SPATA16: variants seen among roughly 807,000 people sequenced by gnomAD.
SPATA16 encodes spermatogenesis associated 16, also known as spermatogenesis-associated protein 16.
Under a neutral mutation model 63.3 loss-of-function variants are expected in SPATA16, and 36 were observed. That is an observed-to-expected ratio of 0.57 (90% CI 0.44 to 0.75). The LOEUF (loss-of-function observed/expected upper bound fraction) is 0.75, where lower values mean the gene tolerates loss of function less well. Ranked by LOEUF, SPATA16 falls within the 30% of genes least tolerant of loss-of-function variation. The pLI, the probability that SPATA16 is intolerant of heterozygous loss-of-function variation, is 0.00. For missense variants in SPATA16, 646 were observed against 679.3 expected (o/e 0.95, Z 0.54); for synonymous variants, 203 against 216.7 (o/e 0.94, Z 0.56).
chr3:173,080,014 C>G (rs1300217095), intron 2 of SPATA16, among the ~76,000 whole-genome samples: 5 of 147,352 alleles, frequency 3.4e-5, no homozygotes, highest in African/African-American at 1.1e-4. Context: ...CATAAATATG[C>G]CCCCTACCAC....
At chr3:172,890,286 G>C (rs533509654) in intron 10 of SPATA16, among the ~76,000 whole-genome samples, 1 of 152,146 alleles carries the variant, frequency 6.6e-6, no homozygotes, top group African/African-American at 2.4e-5. Context: ...TCTTGAAAAA[G>C]AATTAGTCTT....
chr3:173,091,793 G>A (rs929825958), intron 2 of SPATA16, among the ~76,000 whole-genome samples: 4 of 152,070 alleles, frequency 2.6e-5, no homozygotes, highest in African/African-American at 7.2e-5. Context: ...TAGCCCCTAC[G>A]TTTGAGAAAC....
At chr3:172,893,782 A>G (rs1731943102) in intron 10 of SPATA16, among the ~76,000 whole-genome samples, 1 of 152,204 alleles carries the variant, frequency 6.6e-6, no homozygotes, top group African/African-American at 2.4e-5. Context: ...GTTGATCTCA[A>G]ACATGAATGA....
chr3:173,132,301 A>G (rs1384793169), intron 1 of SPATA16, among the ~76,000 whole-genome samples: 1 of 152,178 alleles, frequency 6.6e-6, no homozygotes, highest in Non-Finnish European at 1.5e-5. Flanking sequence ...GAAAAATATT[A>G]TTTAAAAAAC....
intron 3 of SPATA16, among the ~76,000 whole-genome samples, chr3:173,031,785 A>G (rs1341787978): frequency 6.6e-6 from 1 of 152,084 alleles, no homozygotes; most frequent in Non-Finnish European, 1.5e-5. Flanking sequence ...AACTAAAATA[A>G]AGTATAATAG....
At chr3:172,994,035 G>A (rs551799002) in intron 4 of SPATA16, among the ~76,000 whole-genome samples, 1 of 152,016 alleles carries the variant, frequency 6.6e-6, no homozygotes, top group Non-Finnish European at 1.5e-5. Context: ...ACAGAGTCTG[G>A]GTCACATCAT....
At chr3:172,916,609 A>T in intron 8 of SPATA16, 128 bp from the exon 9 acceptor site, 1 of 1,025,582 alleles carries the variant, frequency 9.8e-7, no homozygotes, top group South Asian at 1.3e-5. Context: ...GTACAAATAC[A>T]TGTTTCCTTC....
At chr3:173,004,929 G>C (rs1734907382) in intron 4 of SPATA16, among the ~76,000 whole-genome samples, 1 of 152,146 alleles carries the variant, frequency 6.6e-6, no homozygotes, top group African/African-American at 2.4e-5. Flanking sequence ...CAACACTTAG[G>C]TATTAGAAAA....
chr3:172,911,336 G>A (rs890486489), intron 10 of SPATA16, among the ~76,000 whole-genome samples: 2 of 152,170 alleles, frequency 1.3e-5, no homozygotes, highest in Non-Finnish European at 2.9e-5. Context: ...ACCAGTACCA[G>A]CTGAGCAGCA....
At chr3:172,998,101 G>C (rs1357731014) in intron 4 of SPATA16, among the ~76,000 whole-genome samples, 1 of 152,108 alleles carries the variant, frequency 6.6e-6, no homozygotes, top group Non-Finnish European at 1.5e-5. Flanking sequence ...GATTGGGACT[G>C]TGTTGAATCT....
intron 4 of SPATA16, among the ~76,000 whole-genome samples, chr3:172,993,932 G>A (rs1308491764): frequency 6.6e-6 from 1 of 152,094 alleles, no homozygotes; most frequent in South Asian, 2.1e-4. Context: ...ACTTGTTGCA[G>A]TTCTTGTGAT....
chr3:173,067,458 G>A (rs915918734), intron 2 of SPATA16, among the ~76,000 whole-genome samples: 2 of 152,186 alleles, frequency 1.3e-5, no homozygotes, highest in African/African-American at 4.8e-5. Flanking sequence ...GAGAATGGGA[G>A]GAGGGTAAGG....
intron 4 of SPATA16, among the ~76,000 whole-genome samples, chr3:173,017,892 A>C (rs192356493): frequency 6.6e-6 from 1 of 152,352 alleles, no homozygotes; most frequent in African/African-American, 2.4e-5. Context: ...AATGTGAAAC[A>C]GAAGGACACT....
intron 2 of SPATA16, among the ~76,000 whole-genome samples, chr3:173,083,682 C>T (rs1457879954): frequency 6.6e-6 from 1 of 152,078 alleles, no homozygotes; most frequent in African/African-American, 2.4e-5. Flanking sequence ...TTGTTCCCTT[C>T]CCTGTGTTTA....
Position 172,924,196 on chromosome 3 carries a change from T to G in SPATA16, c.1338+12A>C, listed in dbSNP as rs571261169. ...TGTACATTGGACAAATATAAAAGACTCATATACCTACATTCAATTGGGTGC... is the reference window on the plus strand; with the variant it reads ...TGTACATTGGACAAATATAAAAGACGCATATACCTACATTCAATTGGGTGC... On this transcript the variant is annotated intron_variant, in intron 8 of 10. Coordinates refer to ENST00000351008, the MANE Select transcript of SPATA16 (RefSeq NM_031955.6). 2.4e-5 allele frequency: 38 copies of G among 1,578,534 alleles called. No individual in the cohort carries two copies. In the East Asian group the frequency reaches 3.8e-4, roughly 16 times the overall value.
At chr3:172,975,465 A>G (rs1024520598) in intron 5 of SPATA16, among the ~76,000 whole-genome samples, 4 of 151,880 alleles carry the variant, frequency 2.6e-5, no homozygotes, top group Admixed American at 1.3e-4. Flanking sequence ...CTCCTTTCCC[A>G]CCTCTCTTAA....
intron 2 of SPATA16, among the ~76,000 whole-genome samples, chr3:173,079,557 C>T (rs1443975345): frequency 6.6e-6 from 1 of 151,974 alleles, no homozygotes; most frequent in Non-Finnish European, 1.5e-5. Flanking sequence ...ATTTATCTCC[C>T]CCGTAAGATT....
chr3:172,988,489 A>C (rs1010289394), intron 4 of SPATA16, among the ~76,000 whole-genome samples: 2 of 152,160 alleles, frequency 1.3e-5, no homozygotes, highest in African/African-American at 4.8e-5. Flanking sequence ...CGTGCTTGTC[A>C]GTTACTTTGG....
chr3:173,086,951 T>C (rs760914871), intron 2 of SPATA16, among the ~76,000 whole-genome samples: 74 of 152,178 alleles, frequency 4.9e-4, no homozygotes, highest in Admixed American at 2.4e-3. Context: ...TTTCCAATAA[T>C]GTGATCAATT....
Sources: gnomAD v4.1 joint callset for allele counts (sites outside exome capture counted in the v4.1 genomes callset) on GRCh38, gnomAD v4.1.1 for gene constraint, MANE v1.5 for transcripts, NCBI Gene and HGNC (gene_info 2026-07-23, HGNC 2026-07-21) for gene names.